Variants in WDR70 observed in about 807,000 individuals in gnomAD.
WDR70 encodes WD repeat domain 70, also known as WD repeat-containing protein 70.
WDR70 carries 53 observed loss-of-function variants against 88.6 expected under a neutral mutation model. The ratio of observed to expected loss-of-function variants is 0.60; its 90% CI spans 0.48 to 0.75. The LOEUF (loss-of-function observed/expected upper bound fraction) is 0.75. Among genes scored for constraint, WDR70 ranks in the 30% least tolerant of loss-of-function variants. WDR70 has a pLI of 0.00. For missense variants in WDR70, 610 were observed against 823.2 expected (o/e 0.74, Z 3.17); for synonymous variants, 280 against 270.0 (o/e 1.04, Z -0.36).
intron 9 of WDR70, among the ~76,000 whole-genome samples, chr5:37,573,513 A>G (rs1229499459): frequency 6.7e-6 from 1 of 149,162 alleles, no homozygotes; most frequent in African/African-American, 2.5e-5. Context: ...TATATCTCCT[A>G]ATGCTATCCC....
intron 6 of WDR70, 35 bp from the exon 7 acceptor site, chr5:37,443,204 G>T (rs1348824594): frequency 1.3e-6 from 2 of 1,556,194 alleles, no homozygotes; most frequent in Non-Finnish European, 1.7e-6. Flanking sequence ...ATGTCATTTT[G>T]CTCCGGTCAT....
chr5:37,500,818 C>T (rs534958075), intron 8 of WDR70, among the ~76,000 whole-genome samples: 23 of 150,344 alleles, frequency 1.5e-4, no homozygotes, highest in Admixed American at 4.7e-4. Context: ...CTCTGCCTCC[C>T]GGGTTCAAGC....
intron 8 of WDR70, among the ~76,000 whole-genome samples, chr5:37,495,512 A>T (rs1411002976): frequency 1.3e-5 from 2 of 151,756 alleles, no homozygotes; most frequent in Non-Finnish European, 1.5e-5. Flanking sequence ...GTTTTGAGGA[A>T]ACCAGTGTTG....
chr5:37,520,684 G>A (rs1741057806), intron 9 of WDR70, among the ~76,000 whole-genome samples: 1 of 152,156 alleles, frequency 6.6e-6, no homozygotes, highest in South Asian at 2.1e-4. Context: ...TTAAAATCAT[G>A]TGATTTTATT....
intron 9 of WDR70, among the ~76,000 whole-genome samples, chr5:37,581,899 G>A (rs546761178): frequency 1.3e-5 from 2 of 152,030 alleles, no homozygotes; most frequent in Non-Finnish European, 2.9e-5. Flanking sequence ...GAATATTAGG[G>A]GGCATGTCCC....
chr5:37,384,825 C>T (rs1016062457), intron 3 of WDR70, among the ~76,000 whole-genome samples: 2 of 152,014 alleles, frequency 1.3e-5, no homozygotes, highest in African/African-American at 4.8e-5. Flanking sequence ...TTTTCCCCCA[C>T]ACATCAACCA....
chr5:37,544,588 G>C (rs1741932649), intron 9 of WDR70, among the ~76,000 whole-genome samples: 1 of 152,192 alleles, frequency 6.6e-6, no homozygotes. Context: ...GTACTTTGTA[G>C]TGAGAACCAG....
chr5:37,511,908 C>A (rs1412953381), intron 8 of WDR70, among the ~76,000 whole-genome samples: 1 of 152,164 alleles, frequency 6.6e-6, no homozygotes, highest in Non-Finnish European at 1.5e-5. Flanking sequence ...AATTAGAATT[C>A]AATATTTATT....
chr5:37,642,955 T>C (rs952987380), intron 10 of WDR70, among the ~76,000 whole-genome samples: 2 of 152,164 alleles, frequency 1.3e-5, no homozygotes, highest in Non-Finnish European at 1.5e-5. Flanking sequence ...TTCACTTTGT[T>C]GATTGTTTTC....
chr5:37,559,931 C>T (rs1353083875), intron 9 of WDR70, among the ~76,000 whole-genome samples: 1 of 149,196 alleles, frequency 6.7e-6, no homozygotes, highest in Non-Finnish European at 1.5e-5. Flanking sequence ...AATTGTTTTT[C>T]TTATATTTAA....
chr5:37,718,777 C>T (rs1443367993), intron 13 of WDR70, among the ~76,000 whole-genome samples: 1 of 152,122 alleles, frequency 6.6e-6, no homozygotes, highest in Non-Finnish European at 1.5e-5. Flanking sequence ...TTAATTCATT[C>T]CTTTGGTGAA....
chr5:37,522,814 C>T (rs186286354), intron 9 of WDR70, among the ~76,000 whole-genome samples: 10 of 152,326 alleles, frequency 6.6e-5, no homozygotes, highest in African/African-American at 1.7e-4. Flanking sequence ...TCTTAGCAAA[C>T]GGCACACCAG....
At chr5:37,671,536 G>A (rs950355357) in intron 10 of WDR70, among the ~76,000 whole-genome samples, 2 of 152,094 alleles carry the variant, frequency 1.3e-5, no homozygotes, top group African/African-American at 4.8e-5. Context: ...TTTAGGTCAA[G>A]TAGTCCTAGC....
rs1748844169 is a variant in WDR70 at position 37,392,095 on chromosome 5, A to C, written c.271A>C (p.Arg91=). The C allele has an allele frequency of 6.2e-7, 1 of 1,612,102 alleles. No individual in the cohort carries two copies. The highest frequency in any genetic ancestry group is 2.2e-5 in the East Asian group (1 of 44,804). The change falls in exon 4 of 18, where the codon AGA becomes CGA. Residue 91 remains arginine, a synonymous_variant. Coordinates refer to ENST00000265107, the MANE Select transcript of WDR70 (RefSeq NM_018034.4). The part of the protein sequence containing the change: ...EPTSSRSNVV[R]DCSKSSSRDT... ...AACATCCTCAAGATCAAATGTGGTC[A>C]GAGATTGCTCCAAATCATCTTCCAG...
At chr5:37,484,816 G>T (rs1014236661) in intron 8 of WDR70, among the ~76,000 whole-genome samples, 17 of 152,262 alleles carry the variant, frequency 1.1e-4, no homozygotes, top group African/African-American at 4.1e-4. Flanking sequence ...TTCCCCCTTG[G>T]ATCAGTGGAC....
At chr5:37,720,973 G>T (rs548204564) in intron 13 of WDR70, 142 bp from the exon 14 acceptor site, 2 of 687,358 alleles carry the variant, frequency 2.9e-6, no homozygotes, top group South Asian at 3.8e-5. Context: ...ACAACTTTAT[G>T]GTTTAAAAGA....
At chr5:37,632,938 T>C (rs1373446896) in intron 10 of WDR70, among the ~76,000 whole-genome samples, 1 of 152,184 alleles carries the variant, frequency 6.6e-6, no homozygotes, top group Admixed American at 6.5e-5. Flanking sequence ...TTTTTACTTT[T>C]TATACCATGT....
At chr5:37,498,585 A>G (rs1338903296) in intron 8 of WDR70, among the ~76,000 whole-genome samples, 1 of 152,186 alleles carries the variant, frequency 6.6e-6, no homozygotes, top group Non-Finnish European at 1.5e-5. Context: ...TCTCACCTTA[A>G]CATGTCAAAA....
intron 5 of WDR70, among the ~76,000 whole-genome samples, chr5:37,428,526 C>T (rs1750205149): frequency 6.6e-6 from 1 of 152,188 alleles, no homozygotes; most frequent in Admixed American, 6.5e-5. Context: ...AAACACTGTA[C>T]AAACTCTTCT....
Sources: gnomAD v4.1 joint callset for allele counts (sites outside exome capture counted in the v4.1 genomes callset) on GRCh38, gnomAD v4.1.1 for gene constraint, MANE v1.5 for transcripts, NCBI Gene and HGNC (gene_info 2026-07-23, HGNC 2026-07-21) for gene names.